SRGAP2C: variants seen among roughly 807,000 people sequenced by gnomAD.
SRGAP2C encodes the protein SLIT-ROBO Rho GTPase-activating protein 2C.
SRGAP2C carries 15 observed loss-of-function variants against 25.1 expected under a neutral mutation model. That is an observed-to-expected ratio of 0.60 (90% CI 0.40 to 0.92). The LOEUF (loss-of-function observed/expected upper bound fraction) is 0.92. Ranked by LOEUF, SRGAP2C falls within the 40% of genes least tolerant of loss-of-function variation. The pLI, the probability that SRGAP2C is intolerant of heterozygous loss-of-function variation, is 0.00. For synonymous variants in SRGAP2C, 44 were observed against 96.6 expected, an observed-to-expected ratio of 0.46 and a Z score of 3.19; for missense variants, 144 against 264.4, an observed-to-expected ratio of 0.54 and a Z score of 3.16.
intron 4 of SRGAP2C, among the ~76,000 whole-genome samples, chr1:121,355,130 T>C (rs1321051491): frequency 1.5e-5 from 2 of 130,700 alleles, no homozygotes; most frequent in Admixed American, 8.2e-5. Flanking sequence ...GTAAATCAAA[T>C]GGGACAGAAT....
intron 4 of SRGAP2C, among the ~76,000 whole-genome samples, chr1:121,336,121 C>T (rs1283214323): frequency 1.3e-5 from 2 of 152,166 alleles, no homozygotes; most frequent in Non-Finnish European, 2.9e-5. Flanking sequence ...ACTAGGCAGG[C>T]TTTGAATGCC....
At chr1:121,308,000 G>A (rs1657883617) in intron 3 of SRGAP2C, among the ~76,000 whole-genome samples, 1 of 152,018 alleles carries the variant, frequency 6.6e-6, no homozygotes. Flanking sequence ...ATGCTTTCAG[G>A]CGCCATTAGG....
At chr1:121,353,007 G>A (rs1309585917) in intron 4 of SRGAP2C, among the ~76,000 whole-genome samples, 16 of 150,884 alleles carry the variant, frequency 1.1e-4, no homozygotes, top group Admixed American at 2.6e-4. Flanking sequence ...GGAGAATGGC[G>A]TGAACCCGGG....
chr1:121,228,766 G>A (rs6686769), intron 2 of SRGAP2C, among the ~76,000 whole-genome samples: 4,820 of 145,516 alleles, frequency 0.033, 334 homozygotes, highest in African/African-American at 0.13. Context: ...TAGTAATTAT[G>A]TATGTGAGAA....
intron 7 of SRGAP2C, among the ~76,000 whole-genome samples, chr1:121,381,785 G>T (rs1235159989): frequency 6.6e-6 from 1 of 152,056 alleles, no homozygotes; most frequent in African/African-American, 2.4e-5. Context: ...TAGTTGGGCT[G>T]TCCTTTTACT....
At chr1:121,361,753 A>G (rs1214010231) in intron 4 of SRGAP2C, 13 of 151,584 alleles carry the variant, frequency 8.6e-5, no homozygotes, top group African/African-American at 9.8e-5. Context: ...CCACATCTCT[A>G]TTCTAAATTT....
At chr1:121,267,279 T>C (rs1418822083) in intron 2 of SRGAP2C, among the ~76,000 whole-genome samples, 1 of 150,682 alleles carries the variant, frequency 6.6e-6, no homozygotes, top group East Asian at 1.9e-4. Flanking sequence ...GTGCAATCTT[T>C]GCCTTGTGGG....
chr1:121,358,744 T>C (rs1181516062), intron 4 of SRGAP2C, among the ~76,000 whole-genome samples: 4 of 146,600 alleles, frequency 2.7e-5, no homozygotes, highest in Non-Finnish European at 4.5e-5. Flanking sequence ...ATTTACTATG[T>C]AATAGCTGGA....
intron 5 of SRGAP2C, among the ~76,000 whole-genome samples, chr1:121,372,905 A>G (rs1163699236): frequency 1.9e-5 from 1 of 52,032 alleles, no homozygotes; most frequent in East Asian, 7.7e-4. Flanking sequence ...ACACACACAC[A>G]TGCACACACA....
intron 2 of SRGAP2C, among the ~76,000 whole-genome samples, chr1:121,210,890 A>G (rs1472651674): frequency 9.7e-6 from 1 of 103,098 alleles, no homozygotes; most frequent in East Asian, 3.2e-4. Flanking sequence ...TTAACAACTC[A>G]TTAAAACTCT....
At chr1:121,339,265 T>G (rs1658592987) in intron 4 of SRGAP2C, among the ~76,000 whole-genome samples, 1 of 144,680 alleles carries the variant, frequency 6.9e-6, no homozygotes, top group African/African-American at 2.6e-5. Context: ...TTTTTTTTTT[T>G]TTTTTTTGGA....
At chr1:121,296,234 G>T (rs1657596463) in intron 3 of SRGAP2C, among the ~76,000 whole-genome samples, 1 of 152,068 alleles carries the variant, frequency 6.6e-6, no homozygotes, top group African/African-American at 2.4e-5. Context: ...AGATTTTTTG[G>T]CTGTTGGTAG....
intron 3 of SRGAP2C, among the ~76,000 whole-genome samples, chr1:121,307,260 C>T (rs1470661621): frequency 4.7e-5 from 7 of 148,082 alleles, no homozygotes; most frequent in South Asian, 4.4e-4. Context: ...GCACTGCATC[C>T]AGGCTACTTT....
intron 5 of SRGAP2C, among the ~76,000 whole-genome samples, chr1:121,370,881 A>T (rs1553350897): frequency 6.7e-6 from 1 of 150,334 alleles, no homozygotes; most frequent in Non-Finnish European, 1.5e-5. Flanking sequence ...ACTCAAGTAG[A>T]TGAGTTACTG....
intron 2 of SRGAP2C, among the ~76,000 whole-genome samples, chr1:121,267,805 G>T (rs1570750294): frequency 7.3e-6 from 1 of 137,492 alleles, no homozygotes; most frequent in Admixed American, 7.4e-5. Flanking sequence ...ATATAGCAGA[G>T]GTGACTAGAT....
chr1:121,375,684 G>A (rs1659625343), intron 7 of SRGAP2C, among the ~76,000 whole-genome samples: 1 of 150,296 alleles, frequency 6.7e-6, no homozygotes, highest in Non-Finnish European at 1.5e-5. Flanking sequence ...AGAAGTGAGT[G>A]GCAAGAACTT....
chr1:121,206,496 G>T lies in SRGAP2C; in HGVS notation c.67+18983G>T, dbSNP rs1227581586. On this transcript the variant is annotated intron_variant, in intron 2 of 9. Coordinates refer to ENST00000367123, the MANE Select transcript of SRGAP2C (RefSeq NM_001329984.2). ...GTGGGGGCACTCTGAGTTGAAGAGT[G>T]ATGAAGTGTGATGAAGTCATTTCAG... 6.6e-5 allele frequency among the ~76,000 whole-genome samples: 10 copies of T among 152,118 alleles called. No individual in the cohort carries two copies. The East Asian group carries it at 1.9e-3, about 29-fold the overall frequency.
intron 5 of SRGAP2C, among the ~76,000 whole-genome samples, chr1:121,370,393 C>T (rs1293483977): frequency 6.8e-6 from 1 of 146,254 alleles, no homozygotes; most frequent in Non-Finnish European, 1.5e-5. Flanking sequence ...TAGTCTTCCA[C>T]TACAATGGGA....
intron 5 of SRGAP2C, among the ~76,000 whole-genome samples, chr1:121,370,998 G>C (rs1483241527): frequency 5.9e-5 from 9 of 151,670 alleles, no homozygotes; most frequent in Non-Finnish European, 1.3e-4. Flanking sequence ...ATTTTAGTGT[G>C]GCTGTCAGAG....
Sources: allele counts gnomAD v4.1 joint callset (sites outside exome capture counted in the v4.1 genomes callset), GRCh38; gene constraint gnomAD v4.1.1; transcripts MANE v1.5; gene names NCBI Gene and HGNC (gene_info 2026-07-23, HGNC 2026-07-21).